ASCC1: variants seen among roughly 807,000 people sequenced by gnomAD.
The protein encoded by ASCC1 is activating signal cointegrator 1 complex subunit 1.
ASCC1 carries 35 observed loss-of-function variants against 46.6 expected under a neutral mutation model. That is an observed-to-expected ratio of 0.75 (90% CI 0.57 to 0.99). The LOEUF is 0.99. Among genes scored for constraint, ASCC1 ranks in the 50% least tolerant of loss-of-function variants. The probability of loss-of-function intolerance (pLI) is 0.00; values close to 1 mark genes in which losing one functional copy is unlikely to be tolerated. For synonymous variants in ASCC1, 143 were observed against 146.6 expected, an observed-to-expected ratio of 0.98 and a Z score of 0.18; for missense variants, 376 against 428.7, an observed-to-expected ratio of 0.88 and a Z score of 1.09.
intron 6 of ASCC1, among the ~76,000 whole-genome samples, chr10:72,154,059 G>A (rs541470815): frequency 4.6e-5 from 7 of 152,258 alleles, no homozygotes; most frequent in Non-Finnish European, 1.0e-4. Context: ...CAATATTTAT[G>A]AGAAGCCTTC....
chr10:72,172,330 G>A (rs1378681249), intron 5 of ASCC1, among the ~76,000 whole-genome samples: 2 of 148,334 alleles, frequency 1.3e-5, no homozygotes, highest in Non-Finnish European at 3.0e-5. Flanking sequence ...CAGGAAAATC[G>A]CTTGAACCCG....
At chr10:72,124,736 T>C (rs1450084082) in intron 9 of ASCC1, among the ~76,000 whole-genome samples, 2 of 151,120 alleles carry the variant, frequency 1.3e-5, no homozygotes, top group African/African-American at 4.9e-5. Context: ...TTTTTTTTTT[T>C]TTTTTTTTGC....
chr10:72,139,914 GTTA>G (rs1846759365), intron 7 of ASCC1, among the ~76,000 whole-genome samples: 1 of 152,128 alleles, frequency 6.6e-6, no homozygotes, highest in African/African-American at 2.4e-5. Flanking sequence ...ATAAAATTTT[GTTA>G]TTATTTTTAT....
chr10:72,172,827 T>TTTATATTTTTATATTATATA lies in ASCC1; in HGVS notation c.490-11173_490-11154dup, dbSNP rs1589453917. On this transcript the variant is annotated intron_variant, in intron 5 of 9. Transcript: ENST00000672957. ...TTTTTATATTATATATAATATATAT[T>TTTATATTTTTATATTATATA]TTATATTTTTATATTATATATAATA... Among the ~76,000 whole-genome samples the TTTATATTTTTATATTATATA allele has an allele frequency of 2.3e-5, 3 of 132,690 alleles. No homozygotes were observed. In the East Asian group the frequency reaches 6.0e-4, roughly 27 times the overall value. The allele number at this position is 132,690 out of a possible 152,430, so 87.0% of individuals were successfully genotyped here. A position where few individuals can be genotyped will look rare whatever the true frequency, so the allele number is the denominator to read the frequency against.
intron 5 of ASCC1, among the ~76,000 whole-genome samples, chr10:72,173,121 A>G (rs1415966391): frequency 6.6e-6 from 1 of 151,076 alleles, no homozygotes; most frequent in Non-Finnish European, 1.5e-5. Flanking sequence ...ACTCAATTCT[A>G]AAGGCCTGAA....
chr10:72,124,932 A>G (rs1844675638), intron 9 of ASCC1, among the ~76,000 whole-genome samples: 1 of 152,118 alleles, frequency 6.6e-6, no homozygotes, highest in African/African-American at 2.4e-5. Context: ...TCTAGTTGTC[A>G]GTTCTTAATT....
At chr10:72,118,748 C>T (rs879806024) in intron 9 of ASCC1, among the ~76,000 whole-genome samples, 1 of 151,150 alleles carries the variant, frequency 6.6e-6, no homozygotes, top group Non-Finnish European at 1.5e-5. Context: ...CATTGCACTC[C>T]AGCCTGGGCA....
intron 5 of ASCC1, among the ~76,000 whole-genome samples, chr10:72,183,652 A>AAAAATGTTTTTCAATAAAAAAT (rs1408041494): frequency 6.6e-6 from 1 of 152,148 alleles, no homozygotes; most frequent in Non-Finnish European, 1.5e-5. Flanking sequence ...ATGTCTCAAA[A>AAAAATGTTTTTCAATAAAAAAT]AAAATGTTTT....
intron 7 of ASCC1, among the ~76,000 whole-genome samples, chr10:72,144,067 T>C (rs1010297876): frequency 5.9e-5 from 9 of 151,786 alleles, no homozygotes; most frequent in Non-Finnish European, 1.2e-4. Context: ...AACCTCCACC[T>C]CCTGGGTTCA....
intron 9 of ASCC1, among the ~76,000 whole-genome samples, chr10:72,098,584 C>A (rs1276705477): frequency 6.6e-6 from 1 of 152,248 alleles, no homozygotes; most frequent in Admixed American, 6.5e-5. Context: ...TGCACATGGA[C>A]AAGTGACTGT....
intron 5 of ASCC1, among the ~76,000 whole-genome samples, chr10:72,175,151 T>C (rs1564699086): frequency 6.6e-6 from 1 of 152,234 alleles, no homozygotes; most frequent in African/African-American, 2.4e-5. Context: ...GACAGGCCTA[T>C]GTTCAAATTC....
chr10:72,107,984 A>G (rs1055957856), intron 9 of ASCC1, among the ~76,000 whole-genome samples: 2 of 151,558 alleles, frequency 1.3e-5, no homozygotes, highest in African/African-American at 4.9e-5. Flanking sequence ...TTTTGATTAA[A>G]CTTCCCTCTT....
At chr10:72,188,140 T>C (rs2133131177) in intron 5 of ASCC1, among the ~76,000 whole-genome samples, 1 of 148,784 alleles carries the variant, frequency 6.7e-6, no homozygotes, top group South Asian at 2.2e-4. Flanking sequence ...TTTTTTTTTT[T>C]TTGAGACAGT....
chr10:72,199,769 T>G (rs111488716), intron 4 of ASCC1, among the ~76,000 whole-genome samples: 21 of 152,320 alleles, frequency 1.4e-4, no homozygotes, highest in African/African-American at 4.3e-4. Context: ...AGTCTCGCTC[T>G]GTCACCCAGG....
intron 5 of ASCC1, among the ~76,000 whole-genome samples, chr10:72,175,824 A>G (rs1426852901): frequency 6.6e-6 from 1 of 152,214 alleles, no homozygotes; most frequent in Admixed American, 6.5e-5. Flanking sequence ...ACTAGTTAGC[A>G]AGGCATCTAC....
intron 3 of ASCC1, 26 bp from the exon 4 acceptor site, chr10:72,203,550 G>A (rs759298606): frequency 1.7e-5 from 25 of 1,501,232 alleles, no homozygotes; most frequent in African/African-American, 2.8e-5. Context: ...ATTAAAAGAA[G>A]ATTAAGTCAA....
chr10:72,196,775 C>CT (rs369336992), intron 5 of ASCC1, 36 bp downstream of exon 5: 71 of 1,560,276 alleles, frequency 4.6e-5, no homozygotes, highest in Admixed American at 1.1e-4. Context: ...TTATATTTAA[C>CT]TTTTTTTTTA....
chr10:72,127,488 T>C (rs1845002416), intron 9 of ASCC1, among the ~76,000 whole-genome samples: 1 of 152,162 alleles, frequency 6.6e-6, no homozygotes, highest in African/African-American at 2.4e-5. Context: ...AAATGGCTTA[T>C]AAAGCCACTG....
At chr10:72,201,658 C>A (rs1461595379) in intron 4 of ASCC1, among the ~76,000 whole-genome samples, 1 of 152,160 alleles carries the variant, frequency 6.6e-6, no homozygotes, top group Non-Finnish European at 1.5e-5. Flanking sequence ...TCAACTCTAG[C>A]CTGGGCGACA....
Sources: gnomAD v4.1 joint callset for allele counts (sites outside exome capture counted in the v4.1 genomes callset) on GRCh38, gnomAD v4.1.1 for gene constraint, MANE v1.5 for transcripts, NCBI Gene and HGNC (gene_info 2026-07-23, HGNC 2026-07-21) for gene names.